ENPP2: variants seen among roughly 807,000 people sequenced by gnomAD.
ENPP2 encodes the protein ectonucleotide pyrophosphatase/phosphodiesterase 2, also known as autotaxin.
Under a neutral mutation model 120.2 loss-of-function variants are expected in ENPP2, and 51 were observed. That is an observed-to-expected ratio of 0.42 (90% confidence interval 0.34 to 0.54). ENPP2 has a LOEUF of 0.54. ENPP2 is among the 20% of genes least tolerant of loss of function. The pLI, the probability that ENPP2 is intolerant of heterozygous loss-of-function variation, is 0.04. For missense variants in ENPP2, 920 were observed against 1,066.5 expected, an observed-to-expected ratio of 0.86 and a Z score of 1.91; for synonymous variants, 365 against 366.4, an observed-to-expected ratio of 1.00 and a Z score of 0.04.
intron 2 of ENPP2, among the ~76,000 whole-genome samples, chr8:119,629,790 A>G (rs545811543): frequency 1.3e-5 from 2 of 152,216 alleles, no homozygotes; most frequent in East Asian, 3.9e-4. Flanking sequence ...TGAGAAGTAA[A>G]ACAAAAAAAA....
rs144813167 is a variant in ENPP2 at position 119,617,527 on chromosome 8, A to G, written c.516T>C (p.Asp172=). The G allele has an allele frequency of 5.6e-6, 9 of 1,613,674 alleles. No homozygotes were observed. The highest frequency in any genetic ancestry group is 1.6e-4 in the Middle Eastern group (1 of 6,080). ...VRPPLIIFSV[D]GFRASYMKKG... ...TCTTCATGTATGATGCACGGAAGCC[A>G]TCCACGGAGAAGATGATTAATGGAG... The change falls in exon 6 of 25, where the codon GAT becomes GAC. Residue 172 remains aspartate, a synonymous_variant. Transcript: ENST00000075322.
chr8:119,595,626 A>C (rs1813830407), intron 11 of ENPP2, among the ~76,000 whole-genome samples: 1 of 152,204 alleles, frequency 6.6e-6, no homozygotes, highest in African/African-American at 2.4e-5. Flanking sequence ...TAACTCTTAA[A>C]AAAAGGAAAA....
intron 1 of ENPP2, among the ~76,000 whole-genome samples, chr8:119,647,150 C>A (rs1184100178): frequency 2.0e-5 from 3 of 152,112 alleles, no homozygotes; most frequent in Non-Finnish European, 2.9e-5. Context: ...GCACCCACCA[C>A]AACACCCAGC....
chr8:119,599,679 C>T (rs1814148696), intron 11 of ENPP2, among the ~76,000 whole-genome samples: 1 of 152,188 alleles, frequency 6.6e-6, no homozygotes, highest in African/African-American at 2.4e-5. Flanking sequence ...CACAGATTGT[C>T]TTCCACAATG....
At chr8:119,650,630 C>T (rs753728936) in intron 1 of ENPP2, among the ~76,000 whole-genome samples, 3 of 152,070 alleles carry the variant, frequency 2.0e-5, no homozygotes, top group Non-Finnish European at 1.5e-5. Flanking sequence ...AGAGTCAACC[C>T]GGTTATCCTC....
intron 1 of ENPP2, among the ~76,000 whole-genome samples, chr8:119,660,495 T>C (rs1257164582): frequency 6.6e-6 from 1 of 152,142 alleles, no homozygotes; most frequent in Non-Finnish European, 1.5e-5. Context: ...TAACAAGAAG[T>C]CACAAATCAG....
chr8:119,664,065 G>C (rs764001543), intron 1 of ENPP2, among the ~76,000 whole-genome samples: 2 of 152,162 alleles, frequency 1.3e-5, no homozygotes, highest in Non-Finnish European at 2.9e-5. Context: ...GTAAATATTT[G>C]ATAATGATGA....
intron 1 of ENPP2, among the ~76,000 whole-genome samples, chr8:119,669,795 G>C (rs12679628): frequency 0.33 from 50,840 of 152,026 alleles, 8,855 homozygotes; most frequent in East Asian, 0.55. Context: ...TGGTCTCAAA[G>C]AGCTTGAGAA....
At chr8:119,593,151 A>G (rs1358346869) in intron 12 of ENPP2, 1 of 158,798 alleles carries the variant, frequency 6.3e-6, no homozygotes, top group East Asian at 1.9e-4. Flanking sequence ...ATTGATCATA[A>G]ATTTTTCTAC....
chr8:119,619,453 G>A (rs1042112430), intron 4 of ENPP2, 149 bp from the exon 5 acceptor site: 4 of 598,154 alleles, frequency 6.7e-6, no homozygotes, highest in African/African-American at 5.7e-5. Context: ...AAAATCTAGT[G>A]TCTGGTTTGG....
intron 24 of ENPP2, among the ~76,000 whole-genome samples, chr8:119,561,762 G>C (rs1487443934): frequency 2.0e-5 from 3 of 151,780 alleles, no homozygotes; most frequent in Admixed American, 6.6e-5. Flanking sequence ...GTAAGGTATA[G>C]ATTTCTTTCT....
chr8:119,618,745 G>A (rs1304876628), intron 5 of ENPP2, among the ~76,000 whole-genome samples: 3 of 151,578 alleles, frequency 2.0e-5, no homozygotes, highest in Non-Finnish European at 2.9e-5. Context: ...ATGTTGGCCA[G>A]GCTGGTCTCA....
chr8:119,655,721 TG>T (rs1817750576), intron 1 of ENPP2, among the ~76,000 whole-genome samples: 1 of 152,216 alleles, frequency 6.6e-6, no homozygotes, highest in African/African-American at 2.4e-5. Context: ...AAATACATAC[TG>T]GTTTCTCTTT....
intron 24 of ENPP2, among the ~76,000 whole-genome samples, chr8:119,561,989 T>A (rs1813993187): frequency 6.6e-6 from 1 of 151,688 alleles, no homozygotes; most frequent in Non-Finnish European, 1.5e-5. Context: ...ATACAAAAAT[T>A]AGCTGTGCGT....
intron 12 of ENPP2, among the ~76,000 whole-genome samples, chr8:119,591,125 T>C (rs1375615608): frequency 6.6e-6 from 1 of 152,108 alleles, no homozygotes; most frequent in Admixed American, 6.6e-5. Flanking sequence ...ATATCTCCTG[T>C]CTTGAGTACA....
At chr8:119,634,021 A>G (rs1816844135) in intron 2 of ENPP2, among the ~76,000 whole-genome samples, 1 of 152,078 alleles carries the variant, frequency 6.6e-6, no homozygotes, top group Admixed American at 6.5e-5. Context: ...CATCTCTACT[A>G]AAAATACAAA....
At chr8:119,600,241 G>A (rs1204959623) in intron 11 of ENPP2, among the ~76,000 whole-genome samples, 2 of 152,078 alleles carry the variant, frequency 1.3e-5, no homozygotes, top group Non-Finnish European at 2.9e-5. Flanking sequence ...TATTGGAGCT[G>A]CTTAGCTGAT....
At chr8:119,564,581 A>C (rs1164212820) in intron 23 of ENPP2, among the ~76,000 whole-genome samples, 9 of 151,938 alleles carry the variant, frequency 5.9e-5, no homozygotes, top group Non-Finnish European at 1.2e-4. Context: ...AGGAGGCTGA[A>C]GCAGGAGAAT....
chr8:119,586,896 C>T (rs1813149554), intron 14 of ENPP2, 148 bp downstream of exon 14: 1 of 663,764 alleles, frequency 1.5e-6, no homozygotes, highest in Non-Finnish European at 2.6e-6. Context: ...TTTGAAAGTT[C>T]TTAAGGAAAC....
Sources: allele counts gnomAD v4.1 joint callset (sites outside exome capture counted in the v4.1 genomes callset), GRCh38; gene constraint gnomAD v4.1.1; transcripts MANE v1.5; gene names NCBI Gene and HGNC (gene_info 2026-07-23, HGNC 2026-07-21).